RBFOX1: variants seen among roughly 807,000 people sequenced by gnomAD.
RBFOX1 encodes the protein RNA binding fox-1 homolog 1, also known as RNA binding protein fox-1 homolog 1.
Under a neutral mutation model 57.7 loss-of-function variants are expected in RBFOX1, and 8 were observed. That is an observed-to-expected ratio of 0.14 (90% CI 0.08 to 0.25). RBFOX1 has a LOEUF of 0.25. RBFOX1 is among the 10% of genes least tolerant of loss of function. RBFOX1 has a pLI of 1.00. For missense variants in RBFOX1, 611 were observed against 548.5 expected, an observed-to-expected ratio of 1.11 and a Z score of -1.14; for synonymous variants, 326 against 222.4, an observed-to-expected ratio of 1.47 and a Z score of -4.15.
At chr16:6,510,028 C>T (rs540143086) in intron 2 of RBFOX1, among the ~76,000 whole-genome samples, 1 of 152,072 alleles carries the variant, frequency 6.6e-6, no homozygotes, top group Non-Finnish European at 1.5e-5. Context: ...GGTGTCTGTT[C>T]CTGTGATTGA....
chr16:6,186,875 C>CA (rs2097108718), intron 1 of RBFOX1, among the ~76,000 whole-genome samples: 6 of 152,280 alleles, frequency 3.9e-5, no homozygotes, highest in East Asian at 1.9e-4. Flanking sequence ...CACTGGTGAA[C>CA]AAAGGCCCCC....
chr16:5,398,587 T>A (rs1410721216), intron 1 of RBFOX1, among the ~76,000 whole-genome samples: 1 of 151,896 alleles, frequency 6.6e-6, no homozygotes. Context: ...TGTGTGTGTG[T>A]GTTGGGAAGG....
chr16:6,260,517 A>G (rs2097695381), intron 1 of RBFOX1, among the ~76,000 whole-genome samples: 1 of 152,178 alleles, frequency 6.6e-6, no homozygotes, highest in Non-Finnish European at 1.5e-5. Flanking sequence ...CATAGGTTTT[A>G]ATTAAAAGCC....
intron 2 of RBFOX1, among the ~76,000 whole-genome samples, chr16:6,499,914 T>C (rs1246090345): frequency 3.3e-5 from 5 of 152,116 alleles, no homozygotes; most frequent in Admixed American, 3.3e-4. Flanking sequence ...TAAGGGTGAG[T>C]ACATTGAACA....
chr16:7,630,582 ATCTC>A lies in RBFOX1; in HGVS notation c.677-11_677-8del, dbSNP rs371317235. On this transcript the variant is annotated splice_polypyrimidine_tract_variant and intron_variant, in intron 10 of 15. Coordinates refer to ENST00000550418, the MANE Select transcript of RBFOX1 (RefSeq NM_018723.4). ...TGTACCGATTCCCAAACCAGATACC[ATCTC>A]TCTCTCTCTTTCGTAGGCACGGTCC... The A allele has an allele frequency of 3.1e-6, 5 of 1,609,758 alleles. No individual in the cohort carries two copies. The highest frequency in any genetic ancestry group is 1.3e-5 in the African/African-American group (1 of 74,520).
At chr16:6,651,755 A>T (rs546272669) in intron 2 of RBFOX1, among the ~76,000 whole-genome samples, 1 of 152,224 alleles carries the variant, frequency 6.6e-6, no homozygotes, top group Non-Finnish European at 1.5e-5. Flanking sequence ...ATACGTACAC[A>T]CCCGTGTTCA....
chr16:5,716,632 T>C (rs1348121059), intron 3 of RBFOX1, among the ~76,000 whole-genome samples: 3 of 152,214 alleles, frequency 2.0e-5, no homozygotes, highest in African/African-American at 7.2e-5. Context: ...AGTTCAGCCA[T>C]CGTGCAAGAC....
intron 5 of RBFOX1, among the ~76,000 whole-genome samples, chr16:7,567,190 C>CATATATATATCCCTATAT (rs2091925777): frequency 1.0e-5 from 1 of 95,760 alleles, no homozygotes; most frequent in Non-Finnish European, 2.3e-5. Flanking sequence ...TATAAATATC[C>CATATATATATCCCTATAT]ATATATATAT....
In RBFOX1 at chr16:7,574,379, C is replaced by T. The variant is rs149768974; in HGVS notation, c.271-5398C>T. ...ATTTATTAAGGAGTATTGACTCACA[C>T]GATCACAAGGTGAAGTCCCACAATA... On this transcript the variant is annotated intron_variant, in intron 5 of 15. Coordinates refer to ENST00000550418, the MANE Select transcript of RBFOX1 (RefSeq NM_018723.4). Among the ~76,000 whole-genome samples the T allele has an allele frequency of 5.3e-4, 80 of 152,250 alleles. No homozygotes were observed. In the East Asian group the frequency reaches 0.014, roughly 27 times the overall value.
intron 4 of RBFOX1, among the ~76,000 whole-genome samples, chr16:7,358,719 C>T (rs562546924): frequency 6.6e-6 from 1 of 152,192 alleles, no homozygotes; most frequent in African/African-American, 2.4e-5. Context: ...TGCGCCCAGT[C>T]TCTTAAGTAC....
intron 2 of RBFOX1, among the ~76,000 whole-genome samples, chr16:6,389,206 C>T (rs919174694): frequency 9.9e-5 from 15 of 152,120 alleles, no homozygotes; most frequent in Non-Finnish European, 1.8e-4. Context: ...TTTCTTTTCT[C>T]CTTCATAGAG....
chr16:6,832,209 A>G (rs1023750536), intron 3 of RBFOX1, among the ~76,000 whole-genome samples: 2 of 152,200 alleles, frequency 1.3e-5, no homozygotes, highest in South Asian at 2.1e-4. Context: ...GAGGAGCCCA[A>G]GTGAATAAAT....
chr16:7,574,986 T>C (rs566506333), intron 5 of RBFOX1, among the ~76,000 whole-genome samples: 7 of 150,250 alleles, frequency 4.7e-5, no homozygotes, highest in Non-Finnish European at 7.4e-5. Flanking sequence ...GGTGGAGAGA[T>C]GTAGTAGAGG....
chr16:6,120,168 G>T (rs2152629742), intron 1 of RBFOX1, among the ~76,000 whole-genome samples: 1 of 152,274 alleles, frequency 6.6e-6, no homozygotes, highest in East Asian at 1.9e-4. Context: ...GATAGACTAT[G>T]TATTTATCCG....
At chr16:6,210,349 AAAAAAAAACAC>A (rs1567684277) in intron 1 of RBFOX1, among the ~76,000 whole-genome samples, 17 of 78,024 alleles carry the variant, frequency 2.2e-4, no homozygotes, top group South Asian at 4.8e-4. Flanking sequence ...AAAAAACAAA[AAAAAAAAACAC>A]CAAAAAAAAA....
rs78063839 is a variant in RBFOX1, at chr16:5,741,352, A to G, written c.319-125951A>G. 5.2e-3 allele frequency among the ~76,000 whole-genome samples: 790 copies of G among 152,280 alleles called. 17 individuals carry two copies. The highest frequency in any genetic ancestry group is 0.032 in the East Asian group (166 of 5,170). ...AAGGCAAAGGGTCATTAATATCATC[A>G]TCTCCATCTTCTTTAATGCTAATTA... On this transcript the variant is annotated intron_variant, in intron 3 of 19. Transcript: ENST00000641259.
intron 4 of RBFOX1, among the ~76,000 whole-genome samples, chr16:7,151,178 C>A (rs1264253271): frequency 1.3e-5 from 2 of 152,122 alleles, no homozygotes; most frequent in East Asian, 3.9e-4. Flanking sequence ...CTAGAGGCTA[C>A]CTTGGCAAAA....
upstream of RBFOX1, among the ~76,000 whole-genome samples, chr16:6,018,807 C>T (rs1289673290): frequency 6.6e-6 from 1 of 152,024 alleles, no homozygotes; most frequent in South Asian, 2.1e-4. Flanking sequence ...AGTGAGCCCA[C>T]CTGGGGACTA....
At chr16:6,953,112 C>G (rs182675257) in intron 3 of RBFOX1, among the ~76,000 whole-genome samples, 1 of 152,120 alleles carries the variant, frequency 6.6e-6, no homozygotes, top group Non-Finnish European at 1.5e-5. Context: ...TGAAGGTCTG[C>G]GACTGAGTAG....
Sources: allele counts gnomAD v4.1 joint callset (sites outside exome capture counted in the v4.1 genomes callset), GRCh38; gene constraint gnomAD v4.1.1; transcripts MANE v1.5; gene names NCBI Gene and HGNC (gene_info 2026-07-23, HGNC 2026-07-21).